VWDE: variants seen among roughly 807,000 people sequenced by gnomAD.
VWDE encodes von Willebrand factor D and EGF domains, also known as von Willebrand factor D and EGF domain-containing protein.
VWDE carries 207 observed loss-of-function variants against 178.4 expected under a neutral mutation model. The observed-to-expected ratio is 1.16, with a 90% confidence interval of 1.04 to 1.30. VWDE has a LOEUF of 1.30. Ranked by LOEUF, VWDE falls within the 50% of genes most tolerant of loss-of-function variation. The pLI, the probability that VWDE is intolerant of heterozygous loss-of-function variation, is 0.00. For missense variants in VWDE, 2,287 were observed against 1,901.3 expected (o/e 1.20, Z -3.77); for synonymous variants, 738 against 651.4 (o/e 1.13, Z -2.02).
intron 6 of VWDE, among the ~76,000 whole-genome samples, chr7:12,379,046 TCTC>T (rs1223336965): frequency 1.3e-5 from 2 of 152,136 alleles, no homozygotes; most frequent in Non-Finnish European, 2.9e-5. Context: ...AACAACCAAA[TCTC>T]CTCCTCTGTT....
intron 3 of VWDE, 89 bp from the exon 4 acceptor site, chr7:12,383,690 G>T: frequency 9.0e-7 from 1 of 1,113,648 alleles, no homozygotes; most frequent in Non-Finnish European, 1.3e-6. Flanking sequence ...ATTGAAGGAT[G>T]ATTTAATACA....
At chr7:12,388,311 C>A (rs763797290) in intron 3 of VWDE, among the ~76,000 whole-genome samples, 1 of 152,030 alleles carries the variant, frequency 6.6e-6, no homozygotes. Context: ...TGTCAACATG[C>A]GTTATCACTA....
At chr7:12,357,025 T>A (rs560344597) in intron 17 of VWDE, among the ~76,000 whole-genome samples, 39 of 152,314 alleles carry the variant, frequency 2.6e-4, no homozygotes, top group African/African-American at 8.9e-4. Context: ...CATAGTGAAG[T>A]GCCAAATAAA....
chr7:12,378,876 C>A (rs1427949689), intron 6 of VWDE, among the ~76,000 whole-genome samples: 1 of 152,188 alleles, frequency 6.6e-6, no homozygotes, highest in Non-Finnish European at 1.5e-5. Context: ...GAATCCAGGT[C>A]AAACTCGAGT....
intron 7 of VWDE, among the ~76,000 whole-genome samples, chr7:12,376,703 G>C (rs1355148059): frequency 6.6e-6 from 1 of 152,070 alleles, no homozygotes; most frequent in Non-Finnish European, 1.5e-5. Flanking sequence ...GTCCGAGAGA[G>C]GGTATAATGT....
intron 20 of VWDE, 33 bp downstream of exon 20, chr7:12,344,341 T>A (rs1440032): frequency 0.59 from 921,032 of 1,549,284 alleles, 276,855 homozygotes; most frequent in African/African-American, 0.84. Flanking sequence ...CAAATACAAT[T>A]TATCATGCAA....
chr7:12,339,524 G>T (rs746926497), intron 24 of VWDE, among the ~76,000 whole-genome samples: 3 of 152,056 alleles, frequency 2.0e-5, no homozygotes, highest in Non-Finnish European at 4.4e-5. Flanking sequence ...GTGTTAGCGG[G>T]ATGACTTCTT....
chr7:12,355,260 C>A (rs921969625), intron 18 of VWDE, among the ~76,000 whole-genome samples: 12 of 151,838 alleles, frequency 7.9e-5, no homozygotes, highest in Admixed American at 2.0e-4. Context: ...ACTAAAAATA[C>A]AAAAAAATTA....
intron 22 of VWDE, 122 bp from the exon 23 acceptor site, chr7:12,342,276 A>G (rs966905014): frequency 1.7e-6 from 1 of 599,826 alleles, no homozygotes; most frequent in African/African-American, 1.8e-5. Flanking sequence ...GCAGAGAAAG[A>G]TAAAATACAA....
chr7:12,380,731 G>T lies in VWDE; in HGVS notation c.544C>A (p.Gln182Lys). ...ETETGGDCVR[Q>K]LAASLPPPPA... The stretch of plus-strand genomic sequence containing the variant: ...GGAGGTGGCAATGAGGCAGCCAGCT[G>T]ACCTGGGGAGAAAATGCATAATTTG... Residue 182 changes from glutamine (Q) to lysine (K), a missense_variant and splice_region_variant, in exon 5 of 29, where the codon CAG becomes AAG. Transcript: ENST00000275358. 2 of 1,551,036 alleles carry T rather than the reference G, an allele frequency of 1.3e-6. No individual in the cohort carries two copies. The highest frequency in any genetic ancestry group is 2.4e-5 in the South Asian group (2 of 83,992).
At chr7:12,397,923 A>G (rs1030788964) in intron 1 of VWDE, among the ~76,000 whole-genome samples, 4 of 152,224 alleles carry the variant, frequency 2.6e-5, no homozygotes, top group Non-Finnish European at 5.9e-5. Context: ...GATGTCACTG[A>G]CGCTGTGGGG....
chr7:12,331,039 C>G lies in VWDE; in HGVS notation c.*144G>C, dbSNP rs1372569119. ...TTTTCTCTATGATTACAACAGAGAT[C>G]ATTATGTATTTTATTAGTTTCTTCA... On this transcript the variant is annotated 3_prime_UTR_variant, in exon 29 of 29. Coordinates refer to ENST00000275358, the MANE Select transcript of VWDE (RefSeq NM_001135924.3). 1 of 612,990 alleles carries G rather than the reference C, an allele frequency of 1.6e-6. No homozygotes were observed. The allele number at this position is 612,990 out of a possible 1,614,324, so 38.0% of individuals were successfully genotyped here. A position where few individuals can be genotyped will look rare whatever the true frequency, so the allele number is the denominator to read the frequency against.
In VWDE at chr7:12,370,393, A is replaced by G; in HGVS notation, c.1913T>C (p.Leu638Pro). Residue 638 changes from leucine (L) to proline (P), a missense_variant, in exon 12 of 29, where the codon CTG (leucine) becomes CCG (proline). Coordinates refer to ENST00000275358, the MANE Select transcript of VWDE (RefSeq NM_001135924.3). Reference sequence around the variant, plus strand: ...AATTTCTGATCGAGAAACACTGTCCAGATCTTCGGAAGACGGATACGCTGC... The same window carrying G: ...AATTTCTGATCGAGAAACACTGTCCGGATCTTCGGAAGACGGATACGCTGC... ...DTAAYPSSED[L>P]DSVSRSEIAL... 1 of 1,549,900 alleles carries G rather than the reference A, an allele frequency of 6.5e-7. No homozygotes were observed. Among genetic ancestry groups the G allele is most frequent in the African/African-American group, 1.4e-5 (1 of 73,150 alleles).
At chr7:12,366,052 C>T (rs1782841128) in intron 13 of VWDE, among the ~76,000 whole-genome samples, 1 of 152,024 alleles carries the variant, frequency 6.6e-6, no homozygotes, top group Non-Finnish European at 1.5e-5. Context: ...GTGGCAGCGT[C>T]CCTCTTAACT....
At chr7:12,367,316 C>G in intron 13 of VWDE, 41 bp downstream of exon 13, 2 of 1,464,318 alleles carry the variant, frequency 1.4e-6, no homozygotes, top group Non-Finnish European at 1.8e-6. Context: ...ATCTGAGTAT[C>G]TCATACACTC....
chr7:12,341,132 T>C (rs1781305534), intron 23 of VWDE, among the ~76,000 whole-genome samples: 1 of 151,896 alleles, frequency 6.6e-6, no homozygotes, highest in South Asian at 2.1e-4. Flanking sequence ...ATAGTCTTTT[T>C]TATAATTTTA....
intron 26 of VWDE, 134 bp downstream of exon 26, chr7:12,336,854 T>C: frequency 1.3e-6 from 1 of 774,178 alleles, no homozygotes. Flanking sequence ...AGGTATCTCC[T>C]AAAGCAAGAA....
intron 3 of VWDE, among the ~76,000 whole-genome samples, chr7:12,386,666 T>TA (rs1188687454): frequency 6.6e-6 from 1 of 152,232 alleles, no homozygotes; most frequent in Admixed American, 6.5e-5. Flanking sequence ...AAGGACAGTT[T>TA]AACCTCCAGC....
chr7:12,388,106 A>G (rs1165604029), intron 3 of VWDE, among the ~76,000 whole-genome samples: 2 of 152,144 alleles, frequency 1.3e-5, no homozygotes, highest in Middle Eastern at 3.4e-3. Context: ...CTAATCTGTG[A>G]CTGTTTTTTA....
Sources: gnomAD v4.1 joint callset for allele counts (sites outside exome capture counted in the v4.1 genomes callset) on GRCh38, gnomAD v4.1.1 for gene constraint, MANE v1.5 for transcripts, NCBI Gene and HGNC (gene_info 2026-07-23, HGNC 2026-07-21) for gene names.